Variants in BCL6 observed in about 807,000 individuals in gnomAD.
The protein encoded by BCL6 is BCL6 transcription repressor.
In BCL6, 7 loss-of-function variants were observed where a neutral mutation model predicts 59.5. That is an observed-to-expected ratio of 0.12 (90% CI 0.07 to 0.22). The LOEUF (loss-of-function observed/expected upper bound fraction) is 0.22. Among genes scored for constraint, BCL6 ranks in the 10% least tolerant of loss-of-function variants. The pLI is 1.00. For synonymous variants in BCL6, 339 were observed against 349.7 expected, an observed-to-expected ratio of 0.97 and a Z score of 0.34; for missense variants, 685 against 939.4, an observed-to-expected ratio of 0.73 and a Z score of 3.54.
Position 187,725,785 on chromosome 3 carries a change from G to GC in BCL6, c.1709-157dup, listed in dbSNP as rs1006004188. 5.3e-5 allele frequency among the ~76,000 whole-genome samples: 8 copies of GC among 152,318 alleles called. No individual in the cohort carries two copies. The highest frequency in any genetic ancestry group is 1.7e-4 in the African/African-American group (7 of 41,566). The stretch of plus-strand genomic sequence containing the variant: ...TGTGAGAGAGAGAATCCAGGGGCCT[G>GC]CCCCCACATCTGTCAGCCCTCTCTC... On this transcript the variant is annotated intron_variant, in intron 7 of 9. Transcript: ENST00000406870. This position sits in a 1 kb window ranked among gnomAD's most constrained non-coding sequence, Gnocchi z 4.7.
Position 187,729,314 on chromosome 3 carries a change from G to T in BCL6, c.1091C>A (p.Ala364Asp). 5 of 1,614,136 alleles carry T rather than the reference G, an allele frequency of 3.1e-6. No individual in the cohort carries two copies. The highest frequency in any genetic ancestry group is 4.2e-6 in the Non-Finnish European group (5 of 1,180,032). The change falls in exon 5 of 10, where the codon GCC becomes GAC. Residue 364 changes from alanine to aspartate, a missense_variant. By Grantham distance (126) the Ala-to-Asp change is moderately radical. Around this residue, in one of 7 missense-constraint regions of BCL6, gnomAD observed 28 missense variants for 66.4 expected, o/e 0.42. Coordinates refer to ENST00000406870, the MANE Select transcript of BCL6 (RefSeq NM_001706.5). This position sits in a 1 kb window ranked among gnomAD's most constrained non-coding sequence, Gnocchi z 5.6. The stretch of plus-strand genomic sequence containing the variant: ...GGCTTTGGGGTCAGTGGGGCTCTTG[G>T]CTGGAGGGGAGCCAGAAGCCTGGAG... Reference protein sequence around the residue: ...CILQASGSPPAKSPTDPKACN... With the variant: ...CILQASGSPPDKSPTDPKACN...
chr3:187,745,269 A>G (rs562262723), intron 1 of BCL6, 141 bp downstream of exon 1: 5 of 398,482 alleles, frequency 1.3e-5, no homozygotes, highest in African/African-American at 6.2e-5. Flanking sequence ...TTGGAGCCAA[A>G]GCATTTGGCA....
chr3:187,743,978 T>C (rs1254055196), intron 1 of BCL6, among the ~76,000 whole-genome samples: 2 of 152,046 alleles, frequency 1.3e-5, no homozygotes, highest in African/African-American at 2.4e-5. Context: ...AGTGCCCTTC[T>C]CTCCTCCTGA....
Position 187,729,238 on chromosome 3 carries a change from A to C in BCL6, c.1167T>G (p.Asn389Lys). 1 of 1,614,158 alleles carries C rather than the reference A, an allele frequency of 6.2e-7. No homozygotes were observed. The highest frequency in any genetic ancestry group is 8.5e-7 in the Non-Finnish European group (1 of 1,180,034). Residue 389 changes from asparagine (N) to lysine (K), a missense_variant, in exon 5 of 10, where the codon AAT becomes AAG. By Grantham distance (94) the Asn-to-Lys change is moderately conservative. Around this residue, in one of 7 missense-constraint regions of BCL6, gnomAD observed 207 missense variants for 213.7 expected, o/e 0.97. Coordinates refer to ENST00000406870, the MANE Select transcript of BCL6 (RefSeq NM_001706.5). This position sits in a 1 kb window ranked among gnomAD's most constrained non-coding sequence, Gnocchi z 5.6. ...CCTGCTCAGGCCCCTCTGGTTTGGC[A>C]TTCTGGTTGAGGCTGTTGAGCACGA... is the stretch of plus-strand genomic sequence containing the variant. ...KFIVLNSLNQ[N>K]AKPEGPEQAE...
At chr3:187,737,387 G>GAA (rs1553841133) in intron 1 of BCL6, 5 of 146,362 alleles carry the variant, frequency 3.4e-5, no homozygotes, top group African/African-American at 1.3e-4. Context: ...GAGAGAGAGA[G>GAA]AGAGAGAGAA....
At chr3:187,738,769 G>C (rs1381006138) in intron 1 of BCL6, among the ~76,000 whole-genome samples, 1 of 152,168 alleles carries the variant, frequency 6.6e-6, no homozygotes, top group Non-Finnish European at 1.5e-5. Context: ...AAGCGGAAGG[G>C]TCAGAGTCGG....
rs538855164 is a variant in BCL6 at position 187,744,428 on chromosome 3, T to C, written c.-50+982A>G. 4.0e-5 allele frequency among the ~76,000 whole-genome samples: 6 copies of C among 150,106 alleles called. No individual in the cohort carries two copies. In the South Asian group the frequency reaches 6.5e-4, roughly 16 times the overall value. ...TCCCTCGACTACAACCAAGAAAGAA[T>C]AATTTTCAAAGTGTTCAACATCCCC... On this transcript the variant is annotated intron_variant, in intron 1 of 9. Transcript: ENST00000406870.
At chr3:187,727,609 C>T (rs1030039724) in intron 6 of BCL6, among the ~76,000 whole-genome samples, 1 of 152,222 alleles carries the variant, frequency 6.6e-6, no homozygotes, top group African/African-American at 2.4e-5. Flanking sequence ...CAAAGGCAAA[C>T]TAGCCAGGGT....
At chr3:187,745,166 A>C (rs1711876941) in intron 1 of BCL6, among the ~76,000 whole-genome samples, 1 of 152,332 alleles carries the variant, frequency 6.6e-6, no homozygotes, top group African/African-American at 2.4e-5. Context: ...ATGGTGGGAG[A>C]GACGTGGGAC....
At position 187,728,421 on chromosome 3, in the gene BCL6, A is replaced by G. The variant is rs1379629753; in HGVS notation, c.1479T>C (p.Ala493=). 1 of 1,612,116 alleles carries G rather than the reference A, an allele frequency of 6.2e-7. No homozygotes were observed. The highest frequency in any genetic ancestry group is 1.1e-5 in the South Asian group (1 of 90,514). The part of the protein sequence containing the change: ...PQHAEMCLHT[A]GPTFPEEMGE... ...CCATCTCCTCAGGGAACGTGGGGCC[A>G]GCGGTGTGGAGGCACATCTCTGCAT... Residue 493 remains alanine (A), a synonymous_variant, in exon 6 of 10, where the codon GCT becomes GCC. Coordinates refer to ENST00000406870, the MANE Select transcript of BCL6 (RefSeq NM_001706.5).
chr3:187,729,833 G>A lies in BCL6; in HGVS notation c.572C>T (p.Pro191Leu), dbSNP rs778230721. 1.3e-5 allele frequency: 21 copies of A among 1,613,854 alleles called. No individual in the cohort carries two copies. The highest frequency in any genetic ancestry group is 1.7e-5 in the Admixed American group (1 of 59,990). ...APSLYSGLST[P>L]PASYSMYSHL... ...GCTGTACATGGAATAAGAGGCTGGC[G>A]GTGTGGACAGGCCACTGTACAGGCT... Residue 191 changes from proline to leucine, a missense_variant, in exon 5 of 10, where the codon CCG becomes CTG. Physicochemically the swap from Pro to Leu is moderately conservative, Grantham distance 98. Transcript: ENST00000406870. This position sits in a 1 kb window ranked among gnomAD's most constrained non-coding sequence, Gnocchi z 5.6.
chr3:187,744,889 G>A (rs142953249), intron 1 of BCL6, among the ~76,000 whole-genome samples: 10 of 152,218 alleles, frequency 6.6e-5, no homozygotes, highest in East Asian at 1.9e-4. Context: ...CAAGCCGTAC[G>A]CAAGCAGCAG....
At chr3:187,744,396 T>C (rs1711775244) in intron 1 of BCL6, among the ~76,000 whole-genome samples, 1 of 151,874 alleles carries the variant, frequency 6.6e-6, no homozygotes, top group African/African-American at 2.4e-5. Context: ...GCGCGGAGGT[T>C]CCCGACTCCC....
chr3:187,744,154 A>G (rs1711753885), intron 1 of BCL6, among the ~76,000 whole-genome samples: 1 of 152,164 alleles, frequency 6.6e-6, no homozygotes, highest in Admixed American at 6.5e-5. Flanking sequence ...TAGGAAAGGG[A>G]GGCAACAGCC....
rs555247904 is a variant in BCL6, at chr3:187,731,393, G to A, written c.383+316C>T. Among the ~76,000 whole-genome samples the A allele has an allele frequency of 3.3e-5, 5 of 152,228 alleles. No individual in the cohort carries two copies. The East Asian group carries it at 7.7e-4, about 23-fold the overall frequency. On this transcript the variant is annotated intron_variant, in intron 4 of 9. Transcript: ENST00000406870. ...CAGAGGAAGAGCTGAGGGAGGAAAA[G>A]TGTTAATCAGAAACACTTCCATGGA...
intron 1 of BCL6, among the ~76,000 whole-genome samples, chr3:187,743,973 C>T (rs1441599931): frequency 6.6e-6 from 1 of 152,152 alleles, no homozygotes; most frequent in Non-Finnish European, 1.5e-5. Context: ...CACAAAGTGC[C>T]CTTCTCTCCT....
chr3:187,741,226 A>G (rs1311207191), intron 1 of BCL6, among the ~76,000 whole-genome samples: 7 of 152,236 alleles, frequency 4.6e-5, no homozygotes, highest in Admixed American at 3.3e-4. Context: ...CGCCTCTAGC[A>G]ACCACAACGC....
chr3:187,726,985 T>C, intron 6 of BCL6, 87 bp from the exon 7 acceptor site: 1 of 1,455,720 alleles, frequency 6.9e-7, no homozygotes, highest in East Asian at 2.3e-5. Flanking sequence ...AGCTACCCCT[T>C]GTGCCAAACT....
Position 187,725,223 on chromosome 3 carries a change from T to C in BCL6, c.1840-145A>G. ...ACAGGGACTGAGTGGGCCTTTCTGC[T>C]GCCCACTCTGCTCACCTGCCCACTC... On this transcript the variant is annotated intron_variant, in intron 8 of 9. Coordinates refer to ENST00000406870, the MANE Select transcript of BCL6 (RefSeq NM_001706.5). The surrounding 1 kb of genome is among the most constrained non-coding windows in gnomAD (Gnocchi z 4.7). The C allele has an allele frequency of 7.6e-7, 1 of 1,318,584 alleles. No homozygotes were observed. Among genetic ancestry groups the C allele is most frequent in the Non-Finnish European group, 1.0e-6 (1 of 956,122 alleles). The allele number at this position is 1,318,584 out of a possible 1,614,324, so 81.7% of individuals were successfully genotyped here.
Sources: allele counts gnomAD v4.1 joint callset (sites outside exome capture counted in the v4.1 genomes callset), GRCh38; gene constraint gnomAD v4.1.1; regional missense constraint gnomAD v4.1.1; non-coding constraint Gnocchi (gnomAD v3.1); transcripts MANE v1.5; gene names NCBI Gene and HGNC (gene_info 2026-07-23, HGNC 2026-07-21).